The following INTS8 variants were observed in gnomAD, a reference collection of about 807,000 sequenced individuals.
The protein encoded by INTS8 is protein kaonashi-1.
INTS8 carries 47 observed loss-of-function variants against 138.9 expected under a neutral mutation model. The ratio of observed to expected loss-of-function variants is 0.34; its 90% confidence interval spans 0.27 to 0.43. The LOEUF is 0.43. Ranked by LOEUF, INTS8 falls within the 20% of genes least tolerant of loss-of-function variation. The pLI, the probability that INTS8 is intolerant of heterozygous loss-of-function variation, is 1.00. For missense variants in INTS8, 996 were observed against 1,173.0 expected (o/e 0.85, Z 2.20); for synonymous variants, 392 against 400.9 (o/e 0.98, Z 0.27).
intron 13 of INTS8, 28 bp downstream of exon 13, chr8:94,851,714 A>G: frequency 6.5e-7 from 1 of 1,544,314 alleles, no homozygotes; most frequent in Middle Eastern, 1.7e-4. Context: ...AACAGATAAG[A>G]AAATTGCCCT....
At chr8:94,829,770 C>T (rs1814643790) in intron 5 of INTS8, among the ~76,000 whole-genome samples, 3 of 152,068 alleles carry the variant, frequency 2.0e-5, no homozygotes, top group Admixed American at 6.5e-5. Flanking sequence ...GATTCTGTTT[C>T]GTGATACATT....
rs1815189585 is a variant in INTS8, at chr8:94,842,953, C to G, written c.1260+465C>G. ...AATGTTAGAGACATTGAGAGAAGTACATAAAGCACAGATAATACCACTTAC... is the reference window on the plus strand; with the variant it reads ...AATGTTAGAGACATTGAGAGAAGTAGATAAAGCACAGATAATACCACTTAC... On this transcript the variant is annotated intron_variant, in intron 10 of 26. Coordinates refer to ENST00000523731, the MANE Select transcript of INTS8 (RefSeq NM_017864.4). Among the ~76,000 whole-genome samples the G allele has an allele frequency of 2.6e-5, 4 of 151,862 alleles. No homozygotes were observed. The East Asian group carries it at 7.7e-4, about 29-fold the overall frequency.
intron 7 of INTS8, among the ~76,000 whole-genome samples, chr8:94,837,620 T>C (rs1471001268): frequency 6.6e-6 from 1 of 152,230 alleles, no homozygotes; most frequent in Non-Finnish European, 1.5e-5. Flanking sequence ...GTGATGATTA[T>C]GCTCTTTGCT....
intron 10 of INTS8, among the ~76,000 whole-genome samples, chr8:94,845,322 T>C (rs368846671): frequency 2.6e-5 from 4 of 152,172 alleles, no homozygotes; most frequent in East Asian, 3.9e-4. Flanking sequence ...CACCAATCTC[T>C]AGGGCCACCT....
At chr8:94,870,982 G>C (rs1816374991) in intron 20 of INTS8, among the ~76,000 whole-genome samples, 1 of 152,032 alleles carries the variant, frequency 6.6e-6, no homozygotes, top group Non-Finnish European at 1.5e-5. Context: ...CTTGATTCTT[G>C]GGGGCTGCCA....
In INTS8 at chr8:94,849,529, T is replaced by C; in HGVS notation, c.1328T>C (p.Leu443Pro). The change falls in exon 11 of 27, where the codon CTA becomes CCA. Residue 443 changes from leucine (L) to proline (P), a missense_variant. Leu to Pro is a moderately conservative substitution (Grantham distance 98, BLOSUM62 -3). Coordinates refer to ENST00000523731, the MANE Select transcript of INTS8 (RefSeq NM_017864.4). Reference sequence around the variant, plus strand: ...TTGAAAGGAAACATGGCTGCTTTTCTAAAGTAAGTACCTTTCTTTTCTTTT... The same window carrying C: ...TTGAAAGGAAACATGGCTGCTTTTCCAAAGTAAGTACCTTTCTTTTCTTTT... ...ESLKGNMAAFLKNVCLGLEDL... is the reference protein window; with the variant it reads ...ESLKGNMAAFPKNVCLGLEDL... The C allele has an allele frequency of 6.5e-7, 1 of 1,538,438 alleles. No individual in the cohort carries two copies. Among genetic ancestry groups the C allele is most frequent in the Non-Finnish European group, 8.9e-7 (1 of 1,126,482 alleles).
At chr8:94,845,593 G>C (rs1815303995) in intron 10 of INTS8, among the ~76,000 whole-genome samples, 1 of 152,170 alleles carries the variant, frequency 6.6e-6, no homozygotes, top group Admixed American at 6.5e-5. Context: ...CTCCTGAGTA[G>C]CTGGGACTAC....
rs371202256 is a variant in INTS8, at chr8:94,876,172, T to G, written c.2762+25T>G. ...GGTATGAATAATATTTTAAAAATAA[T>G]GAGGTCAACATTTTTCTGCTTAAGA... is the stretch of plus-strand genomic sequence containing the variant. On this transcript the variant is annotated intron_variant, in intron 24 of 26. Coordinates refer to ENST00000523731, the MANE Select transcript of INTS8 (RefSeq NM_017864.4). 4.7e-5 allele frequency: 75 copies of G among 1,603,266 alleles called. No individual in the cohort carries two copies. The African/African-American group carries it at 8.7e-4, about 19-fold the overall frequency.
At chr8:94,877,772 T>C (rs896154063) in intron 26 of INTS8, among the ~76,000 whole-genome samples, 3 of 152,202 alleles carry the variant, frequency 2.0e-5, no homozygotes, top group African/African-American at 7.2e-5. Flanking sequence ...GATCTTATAC[T>C]GCAACCCACT....
In INTS8 at chr8:94,849,492, G is replaced by A. The variant is rs1290920395; in HGVS notation, c.1291G>A (p.Ala431Thr). The A allele has an allele frequency of 4.5e-6, 7 of 1,566,558 alleles. No homozygotes were observed. The highest frequency in any genetic ancestry group is 6.1e-6 in the Non-Finnish European group (7 of 1,149,804). The change falls in exon 11 of 27, where the codon GCT (alanine) becomes ACT (threonine). Residue 431 changes from alanine to threonine, a missense_variant. Transcript: ENST00000523731. ...VCSRSVNLEK[A>T]SESLKGNMAA... The stretch of plus-strand genomic sequence containing the variant: ...TTCAAGATCAGTAAATTTAGAAAAA[G>A]CTTCAGAGTCTTTGAAAGGAAACAT...
At chr8:94,841,437 A>T in intron 8 of INTS8, 54 bp from the exon 9 acceptor site, 1 of 850,360 alleles carries the variant, frequency 1.2e-6, no homozygotes, top group Non-Finnish European at 1.9e-6. Context: ...GTTTAAAGTA[A>T]AAAAACTTTA....
chr8:94,845,919 G>A (rs1293743898), intron 10 of INTS8, among the ~76,000 whole-genome samples: 1 of 152,140 alleles, frequency 6.6e-6, no homozygotes, highest in Non-Finnish European at 1.5e-5. Context: ...GGCCTCCTAA[G>A]CCAAAGTATG....
chr8:94,880,330 AGTG>A lies in INTS8; in HGVS notation c.*100_*102del. The A allele has an allele frequency of 1.6e-6, 1 of 620,496 alleles. No individual in the cohort carries two copies. The highest frequency in any genetic ancestry group is 2.8e-6 in the Non-Finnish European group (1 of 358,312). 38.4% of individuals were successfully genotyped at this position (620,496 alleles called of 1,614,324 possible). ...TTATATAATACATATGTACACAATTAGTGGTGTTTTCTTTTCAGACAAAATACT... is the reference window on the plus strand; with the variant it reads ...TTATATAATACATATGTACACAATTAGTGTTTTCTTTTCAGACAAAATACT... On this transcript the variant is annotated 3_prime_UTR_variant, in exon 27 of 27. Transcript: ENST00000523731.
intron 2 of INTS8, 53 bp from the exon 3 acceptor site, chr8:94,827,210 T>G: frequency 6.6e-7 from 1 of 1,522,210 alleles, no homozygotes; most frequent in Middle Eastern, 1.7e-4. Context: ...TTGTATGTAT[T>G]TTGTGTTTCT....
At chr8:94,868,651 TTCTTTTCTTTTCTTTTC>T (rs1410818275) in intron 20 of INTS8, 5 of 151,846 alleles carry the variant, frequency 3.3e-5, no homozygotes, top group East Asian at 3.9e-4. Flanking sequence ...GAGACAGTTT[TTCTTTTCTTTTCTTTTC>T]TCTTTTCTTT....
rs181886036 is a variant in INTS8 at position 94,871,152 on chromosome 8, T to G, written c.2415-732T>G. Among the ~76,000 whole-genome samples the G allele has an allele frequency of 1.1e-3, 162 of 152,060 alleles. 3 individuals carry two copies. The highest frequency in any genetic ancestry group is 2.6e-4 in the Non-Finnish European group (18 of 67,984). On this transcript the variant is annotated intron_variant, in intron 20 of 26. Transcript: ENST00000523731. ...CTGAGTCCTTGATTTTTATGTAACT[T>G]CTCATAGATAACAGAACTTAAAAAT...
intron 16 of INTS8, among the ~76,000 whole-genome samples, chr8:94,864,274 G>A (rs983517612): frequency 6.6e-6 from 1 of 151,948 alleles, no homozygotes; most frequent in East Asian, 1.9e-4. Context: ...TAAAAAAGCC[G>A]CCTTAAGCAG....
chr8:94,880,382 A>G lies in INTS8; in HGVS notation c.*148A>G. 1 of 533,336 alleles carries G rather than the reference A, an allele frequency of 1.9e-6. No individual in the cohort carries two copies. Among genetic ancestry groups the G allele is most frequent in the Non-Finnish European group, 3.3e-6 (1 of 298,768 alleles). The allele number at this position is 533,336 out of a possible 1,614,324, so 33.0% of individuals were successfully genotyped here. The stretch of plus-strand genomic sequence containing the variant: ...CTGAAACAAATATTAGTTTAAAAAC[A>G]AACTATACAGAAGACTTCATACCGT... On this transcript the variant is annotated 3_prime_UTR_variant, in exon 27 of 27. Transcript: ENST00000523731.
At chr8:94,875,031 A>C (rs1816522636) in intron 23 of INTS8, among the ~76,000 whole-genome samples, 1 of 152,150 alleles carries the variant, frequency 6.6e-6, no homozygotes, top group Non-Finnish European at 1.5e-5. Flanking sequence ...TGTAGCATCA[A>C]AATGGTGTAG....
Sources: gnomAD v4.1 joint callset for allele counts (sites outside exome capture counted in the v4.1 genomes callset) on GRCh38, gnomAD v4.1.1 for gene constraint, MANE v1.5 for transcripts, NCBI Gene and HGNC (gene_info 2026-07-23, HGNC 2026-07-21) for gene names.